PDE1C: variants seen among roughly 807,000 people sequenced by gnomAD.
PDE1C encodes the protein phosphodiesterase 1C.
In PDE1C, 62 loss-of-function variants were observed where a neutral mutation model predicts 93.1. That is an observed-to-expected ratio of 0.67 (90% confidence interval 0.54 to 0.82). The LOEUF (loss-of-function observed/expected upper bound fraction) is 0.82, where lower values mean the gene tolerates loss of function less well. PDE1C is among the 40% of genes least tolerant of loss of function. The pLI is 0.00. For missense variants in PDE1C, 742 were observed against 884.6 expected (o/e 0.84, Z 2.04); for synonymous variants, 325 against 310.1 (o/e 1.05, Z -0.50).
chr7:31,709,221 GAAGA>G, the PDE1C span, among the ~76,000 whole-genome samples: 1 of 152,158 alleles, frequency 6.6e-6, no homozygotes, highest in African/African-American at 2.4e-5. Context: ...CTGGGTTAAG[GAAGA>G]AAGTAGACCA....
chr7:32,206,291 A>C (rs1355199326), intron 2 of PDE1C, among the ~76,000 whole-genome samples: 1 of 152,120 alleles, frequency 6.6e-6, no homozygotes, highest in African/African-American at 2.4e-5. Flanking sequence ...GGAAAGGAGC[A>C]GAAAGGGGCC....
chr7:32,188,870 A>G (rs569527720), intron 2 of PDE1C, among the ~76,000 whole-genome samples: 5 of 152,314 alleles, frequency 3.3e-5, no homozygotes, highest in Admixed American at 6.5e-5. Flanking sequence ...GATTTTATTC[A>G]TCATCTATTT....
intron 3 of PDE1C, among the ~76,000 whole-genome samples, chr7:31,880,140 G>A (rs1357326134): frequency 1.9e-4 from 28 of 150,170 alleles, no homozygotes; most frequent in African/African-American, 6.1e-4. Context: ...TAAATTAGGG[G>A]GAAAAAAAAC....
At chr7:32,367,673 T>C (rs1050714345) in intron 1 of PDE1C, among the ~76,000 whole-genome samples, 4 of 152,024 alleles carry the variant, frequency 2.6e-5, no homozygotes, top group African/African-American at 4.8e-5. Flanking sequence ...CTGGGCAACA[T>C]AGTGAAACCC....
the PDE1C span, among the ~76,000 whole-genome samples, chr7:31,622,354 G>C: frequency 6.6e-6 from 1 of 152,062 alleles, no homozygotes; most frequent in African/African-American, 2.4e-5. Flanking sequence ...CAGATAGTTG[G>C]AAGTAAAGCT....
At chr7:31,841,853 A>C (rs1251758345) in intron 9 of PDE1C, among the ~76,000 whole-genome samples, 1 of 152,114 alleles carries the variant, frequency 6.6e-6, no homozygotes, top group Non-Finnish European at 1.5e-5. Context: ...AGGACACCCA[A>C]TATTGTACTT....
chr7:31,988,995 CAAAAAAAAA>C (rs36081234), intron 2 of PDE1C, among the ~76,000 whole-genome samples: 1 of 34,156 alleles, frequency 2.9e-5, no homozygotes, highest in Non-Finnish European at 5.5e-5. Context: ...AACTTCTTCT[CAAAAAAAAA>C]AAAAAAAAAA....
At position 32,304,344 on chromosome 7, in the gene PDE1C, A is replaced by G. The variant is rs190219291; in HGVS notation, c.311-94805T>C. ...GGTCTTCCATCCTCGGCCCTGGCAC[A>G]GAGTAAGCCTTCGCTAAAACATTTA... On this transcript the variant is annotated intron_variant, in intron 1 of 1. Transcript: ENST00000672256. Among the ~76,000 whole-genome samples the G allele has an allele frequency of 1.6e-3, 251 of 152,360 alleles. 1 individual carries two copies. Among genetic ancestry groups the G allele is most frequent in the African/African-American group, 5.6e-3 (232 of 41,588 alleles).
intron 14 of PDE1C, among the ~76,000 whole-genome samples, chr7:31,821,299 TA>T (rs1200795833): frequency 2.6e-5 from 4 of 152,176 alleles, no homozygotes; most frequent in Non-Finnish European, 5.9e-5. Context: ...ATTTAAAAAT[TA>T]TTAGCTGTTT....
At chr7:31,680,285 T>G in the PDE1C span, among the ~76,000 whole-genome samples, 2 of 152,156 alleles carry the variant, frequency 1.3e-5, no homozygotes, top group Non-Finnish European at 2.9e-5. Flanking sequence ...AAAATCAGCT[T>G]GGTTTTCATG....
At chr7:31,817,267 G>T (rs1788389944) in intron 14 of PDE1C, among the ~76,000 whole-genome samples, 1 of 152,088 alleles carries the variant, frequency 6.6e-6, no homozygotes, top group Non-Finnish European at 1.5e-5. Flanking sequence ...TGAAGAGCTG[G>T]CCATGCAATA....
chr7:31,637,660 C>A, the PDE1C span, among the ~76,000 whole-genome samples: 2 of 152,076 alleles, frequency 1.3e-5, no homozygotes, highest in Non-Finnish European at 2.9e-5. Flanking sequence ...GAGTAGATTG[C>A]GAAAATTTTC....
At chr7:31,767,364 G>T (rs1795209983) in intron 17 of PDE1C, among the ~76,000 whole-genome samples, 1 of 152,102 alleles carries the variant, frequency 6.6e-6, no homozygotes, top group Non-Finnish European at 1.5e-5. Context: ...TTTCCCCCTG[G>T]TACTGTTCTC....
chr7:31,733,560 G>C, the PDE1C span, among the ~76,000 whole-genome samples: 1 of 152,206 alleles, frequency 6.6e-6, no homozygotes, highest in Non-Finnish European at 1.5e-5. Context: ...CAGAATCCAG[G>C]CTTTTGCATC....
intron 3 of PDE1C, among the ~76,000 whole-genome samples, chr7:32,142,783 C>T (rs1016483565): frequency 2.6e-5 from 4 of 152,110 alleles, no homozygotes; most frequent in Non-Finnish European, 4.4e-5. Flanking sequence ...AAGAGATGCT[C>T]GAGCTGCATA....
chr7:32,140,184 A>G (rs1156747749), intron 3 of PDE1C, among the ~76,000 whole-genome samples: 3 of 152,174 alleles, frequency 2.0e-5, no homozygotes, highest in Non-Finnish European at 4.4e-5. Context: ...AATCCTTATG[A>G]CAACCAACCA....
the PDE1C span, among the ~76,000 whole-genome samples, chr7:31,722,678 G>C: frequency 6.6e-6 from 1 of 152,164 alleles, no homozygotes; most frequent in Non-Finnish European, 1.5e-5. Flanking sequence ...AGGATGGTGG[G>C]AGAGCTGTTT....
intron 17 of PDE1C, among the ~76,000 whole-genome samples, chr7:31,771,982 C>G (rs913814004): frequency 3.8e-4 from 56 of 148,696 alleles, no homozygotes; most frequent in African/African-American, 1.4e-3. Context: ...GGAGGCGGAG[C>G]TTGCAGTGAG....
intron 2 of PDE1C, among the ~76,000 whole-genome samples, chr7:31,934,561 CAA>C (rs70989623): frequency 1.5e-4 from 22 of 145,480 alleles, no homozygotes; most frequent in African/African-American, 2.3e-4. Context: ...ACCACCAATA[CAA>C]AAAAAAAAAA....
Sources: gnomAD v4.1 joint callset for allele counts (sites outside exome capture counted in the v4.1 genomes callset) on GRCh38, gnomAD v4.1.1 for gene constraint, MANE v1.5 for transcripts, NCBI Gene and HGNC (gene_info 2026-07-23, HGNC 2026-07-21) for gene names.